The following PTPRD variants were observed in gnomAD, a reference collection of about 807,000 sequenced individuals.
PTPRD encodes protein tyrosine phosphatase receptor type D, also known as receptor-type tyrosine-protein phosphatase delta.
PTPRD carries 34 observed loss-of-function variants against 214.5 expected under a neutral mutation model. The ratio of observed to expected loss-of-function variants is 0.16; its 90% CI spans 0.12 to 0.21. The LOEUF (loss-of-function observed/expected upper bound fraction) is 0.21, where lower values mean the gene tolerates loss of function less well. Ranked by LOEUF, PTPRD falls within the 10% of genes least tolerant of loss-of-function variation. PTPRD has a pLI of 1.00. For synonymous variants in PTPRD, 1,128 were observed against 845.7 expected, an observed-to-expected ratio of 1.33 and a Z score of -5.79; for missense variants, 2,545 against 2,398.7, an observed-to-expected ratio of 1.06 and a Z score of -1.27.
intron 11 of PTPRD, among the ~76,000 whole-genome samples, chr9:8,863,823 G>A (rs1253626218): frequency 9.2e-5 from 14 of 152,114 alleles, no homozygotes; most frequent in Non-Finnish European, 1.5e-5. Flanking sequence ...ACTTTCATGG[G>A]TTTTGATACA....
At chr9:8,681,533 T>C (rs1442405295) in intron 12 of PTPRD, among the ~76,000 whole-genome samples, 1 of 152,122 alleles carries the variant, frequency 6.6e-6, no homozygotes, top group African/African-American at 2.4e-5. Flanking sequence ...AAAGCTTTTG[T>C]CCCTCAATCT....
chr9:8,736,984 A>G (rs762481014), intron 11 of PTPRD, among the ~76,000 whole-genome samples: 10 of 152,146 alleles, frequency 6.6e-5, no homozygotes, highest in Non-Finnish European at 1.2e-4. Context: ...AGTCCAGGAG[A>G]CATCAGTCCT....
rs143712113 is a variant in PTPRD at position 10,483,226 on chromosome 9, G to T, written c.-600+129172C>A. On this transcript the variant is annotated intron_variant, in intron 2 of 45. Transcript: ENST00000381196. ...TATATTTTGCTGAGAAAATTGGATA[G>T]CCACGTGTAGAAAAATGAAACTGGA... is the stretch of plus-strand genomic sequence containing the variant. 8.5e-5 allele frequency among the ~76,000 whole-genome samples: 13 copies of T among 152,228 alleles called. No homozygotes were observed. In the East Asian group the frequency reaches 2.5e-3, roughly 29 times the overall value.
intron 11 of PTPRD, among the ~76,000 whole-genome samples, chr9:8,775,562 A>T (rs1423808895): frequency 7.5e-6 from 1 of 133,592 alleles, no homozygotes; most frequent in African/African-American, 2.8e-5. Flanking sequence ...TGTACTTTCT[A>T]TTATCTCAAA....
At chr9:9,649,355 T>A (rs113957874) in intron 7 of PTPRD, among the ~76,000 whole-genome samples, 1 of 152,160 alleles carries the variant, frequency 6.6e-6, no homozygotes, top group African/African-American at 2.4e-5. Context: ...GTACACTCTA[T>A]CTGTAAAATG....
At chr9:8,615,744 GA>G (rs1382485623) in intron 14 of PTPRD, among the ~76,000 whole-genome samples, 5 of 150,890 alleles carry the variant, frequency 3.3e-5, no homozygotes, top group Non-Finnish European at 5.9e-5. Flanking sequence ...ACATTAAAAA[GA>G]AAAAAAAATT....
chr9:10,559,668 G>C (rs1015672568), intron 2 of PTPRD, among the ~76,000 whole-genome samples: 5 of 152,016 alleles, frequency 3.3e-5, no homozygotes, highest in Non-Finnish European at 7.3e-5. Context: ...ACCTGAAAAA[G>C]GGCTAATATC....
Position 8,315,417 on chromosome 9 carries a change from C to T in PTPRD, c.*2457G>A. 4.3e-6 allele frequency: 1 copy of T among 232,484 alleles called. No homozygotes were observed. 14.4% of individuals were successfully genotyped at this position (232,484 alleles called of 1,614,324 possible). On this transcript the variant is annotated 3_prime_UTR_variant, in exon 46 of 46. Transcript: ENST00000381196. ...ATCGGATTCTACATGTCCAACAAGG[C>T]ATGTCTGGATGATGCAATGTCTGTC...
intron 9 of PTPRD, among the ~76,000 whole-genome samples, chr9:9,321,137 T>C (rs1966257391): frequency 1.3e-5 from 2 of 152,190 alleles, no homozygotes; most frequent in African/African-American, 2.4e-5. Flanking sequence ...AATCTACGTA[T>C]GAAATAAAGA....
chr9:8,527,891 C>A (rs150047330), intron 15 of PTPRD, among the ~76,000 whole-genome samples: 2 of 152,078 alleles, frequency 1.3e-5, no homozygotes, highest in South Asian at 2.1e-4. Context: ...CCTTGACGGG[C>A]GCACACTACT....
chr9:8,332,669 G>A (rs1842640558), intron 43 of PTPRD, among the ~76,000 whole-genome samples: 1 of 152,018 alleles, frequency 6.6e-6, no homozygotes, highest in African/African-American at 2.4e-5. Context: ...CTGATCCCTT[G>A]TGGAAATTTA....
chr9:8,437,138 A>C (rs1002090115), intron 34 of PTPRD: 1 of 1,212,510 alleles, frequency 8.2e-7, no homozygotes, highest in African/African-American at 1.5e-5. Context: ...CCTAAAAGGG[A>C]AAGAGTAGTA....
intron 8 of PTPRD, among the ~76,000 whole-genome samples, chr9:9,430,394 A>G (rs2082625115): frequency 6.6e-6 from 1 of 151,244 alleles, no homozygotes. Context: ...TGCTCAACAA[A>G]TTAAAAGAGG....
chr9:9,679,107 G>A (rs1220803265), intron 7 of PTPRD, among the ~76,000 whole-genome samples: 1 of 120,422 alleles, frequency 8.3e-6, no homozygotes, highest in Admixed American at 9.4e-5. Context: ...TTGGTAATTA[G>A]GTTGAAAAAG....
At chr9:9,839,210 G>A (rs2057663147) in intron 5 of PTPRD, among the ~76,000 whole-genome samples, 1 of 152,060 alleles carries the variant, frequency 6.6e-6, no homozygotes, top group African/African-American at 2.4e-5. Flanking sequence ...AGGACAATTA[G>A]GCAGGAGAAG....
At chr9:9,132,662 G>T (rs977376033) in intron 10 of PTPRD, among the ~76,000 whole-genome samples, 1 of 152,164 alleles carries the variant, frequency 6.6e-6, no homozygotes, top group African/African-American at 2.4e-5. Context: ...AAGGATGTTT[G>T]ATTTTAATGC....
At chr9:9,881,581 T>TG (rs1177073411) in intron 5 of PTPRD, among the ~76,000 whole-genome samples, 1 of 152,168 alleles carries the variant, frequency 6.6e-6, no homozygotes, top group African/African-American at 2.4e-5. Flanking sequence ...CAATTATACA[T>TG]GGAACTTTCA....
intron 5 of PTPRD, among the ~76,000 whole-genome samples, chr9:9,886,276 T>A (rs2070880866): frequency 6.6e-6 from 1 of 152,148 alleles, no homozygotes. Context: ...CTGTTTTATA[T>A]GTTTGAATTG....
At chr9:9,947,337 TATATATATA>T (rs1435037519) in intron 4 of PTPRD, among the ~76,000 whole-genome samples, 3 of 61,154 alleles carry the variant, frequency 4.9e-5, no homozygotes, top group East Asian at 1.4e-3. Context: ...ATATATGTAT[TATATATATA>T]ATATATATTA....
Sources: allele counts gnomAD v4.1 joint callset (sites outside exome capture counted in the v4.1 genomes callset), GRCh38; gene constraint gnomAD v4.1.1; transcripts MANE v1.5; gene names NCBI Gene and HGNC (gene_info 2026-07-23, HGNC 2026-07-21).